The following CNTNAP2 variants were observed in gnomAD, a reference collection of about 807,000 sequenced individuals.
CNTNAP2 encodes the protein contactin associated protein 2.
CNTNAP2 carries 98 observed loss-of-function variants against 155.2 expected under a neutral mutation model. The observed-to-expected ratio is 0.63, with a 90% CI of 0.54 to 0.75. CNTNAP2 has a LOEUF of 0.75. Ranked by LOEUF, CNTNAP2 falls within the 30% of genes least tolerant of loss-of-function variation. The pLI, the probability that CNTNAP2 is intolerant of heterozygous loss-of-function variation, is 0.00. For synonymous variants in CNTNAP2, 651 were observed against 631.2 expected, an observed-to-expected ratio of 1.03 and a Z score of -0.47; for missense variants, 1,727 against 1,688.1, an observed-to-expected ratio of 1.02 and a Z score of -0.40.
intron 22 of CNTNAP2, among the ~76,000 whole-genome samples, chr7:148,390,823 A>G (rs575651515): frequency 3.9e-5 from 6 of 152,262 alleles, no homozygotes; most frequent in African/African-American, 1.2e-4. Context: ...TACCTCTCCA[A>G]TGTCCTTTGG....
Position 148,287,791 on chromosome 7 carries a change from TTTTC to T in CNTNAP2, c.3475+20669_3475+20672del, listed in dbSNP as rs1353103802. On this transcript the variant is annotated intron_variant, in intron 21 of 23. Coordinates refer to ENST00000361727, the MANE Select transcript of CNTNAP2 (RefSeq NM_014141.6). ...TCTCTTCCTCTTTCTTTCTTTCTTTTTTTCTTTTTTTTTTTTTGAATTGGAGTTT... is the reference window on the plus strand; with the variant it reads ...TCTCTTCCTCTTTCTTTCTTTCTTTTTTTTTTTTTTTTTGAATTGGAGTTT... 1.3e-3 allele frequency among the ~76,000 whole-genome samples: 27 copies of T among 20,316 alleles called. 3 individuals are homozygous for T. Among genetic ancestry groups the T allele is most frequent in the East Asian group, 7.7e-3 (3 of 388 alleles). 13.3% of individuals were successfully genotyped at this position (20,316 alleles called of 152,430 possible).
At chr7:146,665,783 T>TAAAAAAACAAAAAAAAAAAAAACA (rs1554464843) in intron 1 of CNTNAP2, among the ~76,000 whole-genome samples, 3 of 48,306 alleles carry the variant, frequency 6.2e-5, no homozygotes, top group African/African-American at 2.3e-4. Flanking sequence ...TCTGTCTCAT[T>TAAAAAAACAAAAAAAAAAAAAACA]AAAAAAAAAA....
chr7:146,311,074 T>C (rs1363502839), intron 1 of CNTNAP2, among the ~76,000 whole-genome samples: 12 of 151,766 alleles, frequency 7.9e-5, no homozygotes, highest in Admixed American at 7.9e-4. Context: ...CTTGAGGAAG[T>C]TAAAAAAAAT....
chr7:146,914,585 T>G (rs1796356846), intron 3 of CNTNAP2, among the ~76,000 whole-genome samples: 1 of 152,132 alleles, frequency 6.6e-6, no homozygotes, highest in African/African-American at 2.4e-5. Context: ...TTGTTAGCCA[T>G]TTGTATATCT....
chr7:146,472,998 T>G (rs927870972), intron 1 of CNTNAP2, among the ~76,000 whole-genome samples: 1 of 151,176 alleles, frequency 6.6e-6, no homozygotes, highest in African/African-American at 2.4e-5. Context: ...TTGTAGATGT[T>G]TAGAGAGGCT....
Position 147,471,995 on chromosome 7 carries a change from A to G in CNTNAP2, c.1671-13940A>G, listed in dbSNP as rs74895064. Among the ~76,000 whole-genome samples the G allele has an allele frequency of 8.2e-3, 1,244 of 152,268 alleles. 13 individuals carry two copies. The highest frequency in any genetic ancestry group is 0.028 in the African/African-American group (1,167 of 41,544). ...GATTGAGGAAAAGAGTGTATTTGAA[A>G]AAAAGAAGCATGTGTGCAAAGGCAG... is the stretch of plus-strand genomic sequence containing the variant. On this transcript the variant is annotated intron_variant, in intron 10 of 23. Transcript: ENST00000361727.
At chr7:147,535,363 G>C (rs1240401623) in intron 11 of CNTNAP2, among the ~76,000 whole-genome samples, 3 of 152,120 alleles carry the variant, frequency 2.0e-5, no homozygotes, top group African/African-American at 7.2e-5. Context: ...CTGCACTGCA[G>C]CCTGAGCGAA....
chr7:148,058,324 G>A (rs1256151211), intron 15 of CNTNAP2, among the ~76,000 whole-genome samples: 1 of 152,126 alleles, frequency 6.6e-6, no homozygotes, highest in Admixed American at 6.5e-5. Context: ...TATCCCAGCA[G>A]CATCTGTTTA....
chr7:147,869,853 A>G (rs1363409458), intron 13 of CNTNAP2, among the ~76,000 whole-genome samples: 1 of 152,212 alleles, frequency 6.6e-6, no homozygotes, highest in African/African-American at 2.4e-5. Flanking sequence ...AGAGTATTTT[A>G]CATCATCTCA....
intron 1 of CNTNAP2, among the ~76,000 whole-genome samples, chr7:146,354,425 T>TG (rs1554421782): frequency 2.5e-4 from 38 of 151,200 alleles, no homozygotes; most frequent in Admixed American, 4.0e-4. Context: ...TTTTTTTTTT[T>TG]TTTGTTTGAG....
intron 3 of CNTNAP2, among the ~76,000 whole-genome samples, chr7:146,931,920 G>A (rs1327068786): frequency 6.6e-6 from 1 of 152,034 alleles, no homozygotes; most frequent in East Asian, 1.9e-4. Flanking sequence ...ACCAATAACA[G>A]GCTCTGAAAT....
At chr7:147,981,882 T>A in intron 15 of CNTNAP2, among the ~76,000 whole-genome samples, 1 of 151,190 alleles carries the variant, frequency 6.6e-6, no homozygotes, top group East Asian at 1.9e-4. Flanking sequence ...TCAAATCAAA[T>A]GACACTGAAA....
At chr7:146,763,145 T>G (rs1802133492) in intron 1 of CNTNAP2, among the ~76,000 whole-genome samples, 1 of 152,158 alleles carries the variant, frequency 6.6e-6, no homozygotes, top group Non-Finnish European at 1.5e-5. Flanking sequence ...CTGGCCACTT[T>G]CCGTCCTGTT....
chr7:147,047,991 C>G (rs1186362559), intron 4 of CNTNAP2, among the ~76,000 whole-genome samples: 6 of 151,698 alleles, frequency 4.0e-5, no homozygotes, highest in African/African-American at 1.2e-4. Context: ...TAACATAAAG[C>G]CTTTATTCTT....
At chr7:146,416,592 A>T (rs1307120665) in intron 1 of CNTNAP2, among the ~76,000 whole-genome samples, 1 of 152,128 alleles carries the variant, frequency 6.6e-6, no homozygotes, top group South Asian at 2.1e-4. Context: ...TTTTAAAAAT[A>T]TGCAGCTTAT....
intron 3 of CNTNAP2, among the ~76,000 whole-genome samples, chr7:146,890,482 T>C (rs1436825696): frequency 6.6e-6 from 1 of 152,146 alleles, no homozygotes; most frequent in Non-Finnish European, 1.5e-5. Flanking sequence ...CAGCTACTGA[T>C]TATATTGTGT....
chr7:146,771,986 G>T (rs1003212456), intron 1 of CNTNAP2, among the ~76,000 whole-genome samples: 6 of 152,142 alleles, frequency 3.9e-5, no homozygotes, highest in African/African-American at 1.2e-4. Context: ...CTTGCTTCCA[G>T]ACTCTTTGAG....
chr7:146,842,123 G>A (rs1803739565), intron 3 of CNTNAP2, among the ~76,000 whole-genome samples: 1 of 152,092 alleles, frequency 6.6e-6, no homozygotes, highest in Non-Finnish European at 1.5e-5. Context: ...CTGACCTCAG[G>A]TGATCTACTT....
intron 14 of CNTNAP2, among the ~76,000 whole-genome samples, chr7:147,971,203 T>A (rs1267563312): frequency 6.6e-6 from 1 of 152,196 alleles, no homozygotes; most frequent in Non-Finnish European, 1.5e-5. Context: ...CTACTTCTAG[T>A]GAGATGTGTG....
Sources: allele counts gnomAD v4.1 joint callset (sites outside exome capture counted in the v4.1 genomes callset), GRCh38; gene constraint gnomAD v4.1.1; transcripts MANE v1.5; gene names NCBI Gene and HGNC (gene_info 2026-07-23, HGNC 2026-07-21).